EYS: variants seen among roughly 807,000 people sequenced by gnomAD.
The protein encoded by EYS is protein eyes shut homolog.
Under a neutral mutation model 282.1 loss-of-function variants are expected in EYS, and 250 were observed. The observed-to-expected ratio is 0.89, with a 90% CI of 0.80 to 0.98. The LOEUF is 0.98. EYS is among the 50% of genes least tolerant of loss of function. EYS has a pLI of 0.00. For synonymous variants in EYS, 1,355 were observed against 1,282.9 expected (o/e 1.06, Z -1.20); for missense variants, 4,016 against 3,709.0 (o/e 1.08, Z -2.15).
chr6:65,045,195 G>A (rs1773064670), intron 13 of EYS, among the ~76,000 whole-genome samples: 1 of 151,826 alleles, frequency 6.6e-6, no homozygotes, highest in Non-Finnish European at 1.5e-5. Flanking sequence ...TTGTGTGTGT[G>A]CTCTCCTAAG....
intron 5 of EYS, among the ~76,000 whole-genome samples, chr6:65,471,486 T>C (rs371347910): frequency 7.9e-4 from 120 of 152,240 alleles, no homozygotes; most frequent in African/African-American, 2.8e-3. Flanking sequence ...TTTATATTAG[T>C]ACAAGAGAGT....
intron 21 of EYS, 26 bp downstream of exon 21, chr6:64,821,619 A>C (rs544394779): frequency 8.0e-7 from 1 of 1,250,344 alleles, no homozygotes; most frequent in African/African-American, 1.5e-5. Context: ...TTTGTCATAT[A>C]ACTTGAATAA....
At chr6:65,603,418 C>T (rs1422192263) in intron 2 of EYS, among the ~76,000 whole-genome samples, 1 of 151,904 alleles carries the variant, frequency 6.6e-6, no homozygotes, top group Non-Finnish European at 1.5e-5. Flanking sequence ...GTATGAGGTC[C>T]TAACTTTGGT....
chr6:64,645,496 T>A (rs955284858), intron 22 of EYS, among the ~76,000 whole-genome samples: 12 of 152,168 alleles, frequency 7.9e-5, no homozygotes, highest in Admixed American at 7.2e-4. Flanking sequence ...AGGTGTGGAA[T>A]ATTAAGAGTC....
At position 64,070,836 on chromosome 6, in the gene EYS, C is replaced by T. The variant is rs376063078; in HGVS notation, c.6572-4345G>A. ...GAAAAGAATACAATGACCGCTAGTA[C>T]GATTTGGTGCTGCTGCCTTAATATT... On this transcript the variant is annotated intron_variant, in intron 32 of 42. Coordinates refer to ENST00000503581, the MANE Select transcript of EYS (RefSeq NM_001142800.2). 1.7e-4 allele frequency among the ~76,000 whole-genome samples: 26 copies of T among 152,034 alleles called. 1 individual carries two copies. In the East Asian group the frequency reaches 2.1e-3, roughly 12 times the overall value.
intron 30 of EYS, among the ~76,000 whole-genome samples, chr6:64,246,584 CTTAA>C (rs150665070): frequency 3.1e-4 from 47 of 152,228 alleles, no homozygotes; most frequent in African/African-American, 9.1e-4. Flanking sequence ...CCATAGAACA[CTTAA>C]TTGTTTTACT....
At chr6:64,389,921 G>T (rs550767436) in intron 28 of EYS, among the ~76,000 whole-genome samples, 2 of 151,770 alleles carry the variant, frequency 1.3e-5, no homozygotes, top group Admixed American at 6.6e-5. Context: ...TGTGCACACC[G>T]TGCGCCAGCC....
intron 12 of EYS, among the ~76,000 whole-genome samples, chr6:65,114,014 T>A (rs1480015204): frequency 2.0e-5 from 3 of 152,024 alleles, no homozygotes; most frequent in Non-Finnish European, 2.9e-5. Flanking sequence ...TACATAGAAC[T>A]GACCTTATTT....
chr6:65,436,191 T>C (rs1028433920), intron 5 of EYS, among the ~76,000 whole-genome samples: 5 of 152,160 alleles, frequency 3.3e-5, no homozygotes, highest in Non-Finnish European at 5.9e-5. Flanking sequence ...GGCTCATCTT[T>C]TTGGATGCTG....
intron 2 of EYS, among the ~76,000 whole-genome samples, chr6:65,603,351 T>C (rs1348681245): frequency 6.6e-6 from 1 of 150,888 alleles, no homozygotes; most frequent in Non-Finnish European, 1.5e-5. Context: ...ACCATGGACT[T>C]GAGATTTAGA....
At chr6:63,853,271 C>G (rs1407573475) in intron 36 of EYS, among the ~76,000 whole-genome samples, 1 of 152,178 alleles carries the variant, frequency 6.6e-6, no homozygotes, top group Non-Finnish European at 1.5e-5. Context: ...GGCTGATAAG[C>G]AACTTCAGCA....
At chr6:64,031,148 A>C (rs1158253208) in intron 33 of EYS, among the ~76,000 whole-genome samples, 5 of 151,744 alleles carry the variant, frequency 3.3e-5, no homozygotes, top group African/African-American at 1.2e-4. Context: ...GCTTGCGGGG[A>C]GGTGTGGAGG....
At chr6:64,871,371 G>A (rs11759103) in intron 19 of EYS, among the ~76,000 whole-genome samples, 23,486 of 151,214 alleles carry the variant, frequency 0.16, 2,144 homozygotes, top group East Asian at 0.49. Context: ...GAAAGTACCT[G>A]TAGATCTACT....
intron 35 of EYS, among the ~76,000 whole-genome samples, chr6:63,914,649 A>C (rs747563449): frequency 6.6e-6 from 1 of 151,668 alleles, no homozygotes; most frequent in African/African-American, 2.4e-5. Flanking sequence ...CAGAGATTCC[A>C]GTGAGCCAAG....
chr6:64,971,171 C>A (rs926963551), intron 14 of EYS, among the ~76,000 whole-genome samples: 2 of 152,030 alleles, frequency 1.3e-5, no homozygotes, highest in East Asian at 3.9e-4. Flanking sequence ...TAATACATTT[C>A]AAGATAACAG....
chr6:64,287,885 A>T (rs143500869), intron 30 of EYS, among the ~76,000 whole-genome samples: 13 of 152,292 alleles, frequency 8.5e-5, no homozygotes, highest in African/African-American at 2.9e-4. Flanking sequence ...TGAGAAGCTC[A>T]GCCTTGAGCC....
chr6:64,238,428 G>A (rs1196212681), intron 30 of EYS, among the ~76,000 whole-genome samples: 1 of 152,118 alleles, frequency 6.6e-6, no homozygotes, highest in Non-Finnish European at 1.5e-5. Flanking sequence ...CATACAAGTG[G>A]TTTTTGGTTA....
rs1372537749 is a variant in EYS, at chr6:64,896,963, C to T, written c.2846+5150G>A. 3.3e-5 allele frequency among the ~76,000 whole-genome samples: 5 copies of T among 152,148 alleles called. No homozygotes were observed. In the East Asian group the frequency reaches 9.7e-4, roughly 29 times the overall value. On this transcript the variant is annotated intron_variant, in intron 18 of 42. Coordinates refer to ENST00000503581, the MANE Select transcript of EYS (RefSeq NM_001142800.2). ...GAAAGGCAGCAGCCCCACTCAGGGG[C>T]TTATAGATAAAACTCCCATCTCCCT...
intron 13 of EYS, among the ~76,000 whole-genome samples, chr6:65,010,341 C>T (rs1184184764): frequency 6.6e-6 from 1 of 152,202 alleles, no homozygotes; most frequent in Non-Finnish European, 1.5e-5. Context: ...GGCATACTAA[C>T]TGCTAAAGGA....
Sources: allele counts gnomAD v4.1 joint callset (sites outside exome capture counted in the v4.1 genomes callset), GRCh38; gene constraint gnomAD v4.1.1; transcripts MANE v1.5; gene names NCBI Gene and HGNC (gene_info 2026-07-23, HGNC 2026-07-21).